The following KALRN variants were observed in gnomAD, a reference collection of about 807,000 sequenced individuals.
KALRN encodes kalirin RhoGEF kinase.
Under a neutral mutation model 353.7 loss-of-function variants are expected in KALRN, and 70 were observed. That is an observed-to-expected ratio of 0.20 (90% CI 0.16 to 0.24). KALRN has a LOEUF of 0.24. Among genes scored for constraint, KALRN ranks in the 10% least tolerant of loss-of-function variants. The pLI, the probability that KALRN is intolerant of heterozygous loss-of-function variation, is 1.00. For synonymous variants in KALRN, 1,391 were observed against 1,434.8 expected (o/e 0.97, Z 0.69); for missense variants, 2,791 against 3,756.7 (o/e 0.74, Z 6.72).
intron 34 of KALRN, among the ~76,000 whole-genome samples, chr3:124,621,956 A>G (rs1412211695): frequency 1.3e-5 from 2 of 152,372 alleles, no homozygotes; most frequent in South Asian, 4.1e-4. Context: ...TGGCCCTCCC[A>G]TTACGTGCCC....
At chr3:124,048,496 T>C (rs2040725092) in intron 1 of KALRN, among the ~76,000 whole-genome samples, 1 of 152,236 alleles carries the variant, frequency 6.6e-6, no homozygotes, top group African/African-American at 2.4e-5. Flanking sequence ...CTTTTTTTTT[T>C]TTTGAGACAG....
At chr3:124,546,695 C>A (rs1445888097) in intron 33 of KALRN, among the ~76,000 whole-genome samples, 1 of 152,176 alleles carries the variant, frequency 6.6e-6, no homozygotes, top group African/African-American at 2.4e-5. Flanking sequence ...ATCTTAGATG[C>A]AGCTGAAAGG....
chr3:124,413,522 A>C lies in KALRN; in HGVS notation c.2399A>C (p.Asp800Ala). ...WNEDLLRQMN[D>A]FNTEDLTLAE... ...GAAGACTTGCTTCGGCAGATGAATG[A>C]CTTCAACACAGAGGACCTAACCCTG... Residue 800 changes from aspartate (D) to alanine (A), a missense_variant, in exon 14 of 60, where the codon GAC (aspartate) becomes GCC (alanine). Around this residue, in one of 11 missense-constraint regions of KALRN, gnomAD observed 452 missense variants for 575.8 expected, o/e 0.78. Transcript: ENST00000682506. 6.2e-7 allele frequency: 1 copy of C among 1,614,128 alleles called. No individual in the cohort carries two copies. Among genetic ancestry groups the C allele is most frequent in the Non-Finnish European group, 8.5e-7 (1 of 1,180,016 alleles).
intron 32 of KALRN, among the ~76,000 whole-genome samples, chr3:124,493,209 G>A (rs894627684): frequency 6.6e-6 from 1 of 152,184 alleles, no homozygotes; most frequent in Admixed American, 6.5e-5. Flanking sequence ...CACGTATAGG[G>A]ATCATAAATT....
chr3:124,139,450 T>A (rs1560055434), intron 1 of KALRN, among the ~76,000 whole-genome samples: 3 of 152,184 alleles, frequency 2.0e-5, no homozygotes, highest in South Asian at 4.2e-4. Context: ...TCCTGCAGTT[T>A]ATTGTGTACT....
chr3:124,234,285 T>A (rs891428670), intron 2 of KALRN, among the ~76,000 whole-genome samples: 3 of 152,124 alleles, frequency 2.0e-5, no homozygotes, highest in African/African-American at 7.2e-5. Flanking sequence ...GTGTAAAAAA[T>A]ACTTAATGTT....
chr3:124,139,764 C>A (rs1042692516), intron 1 of KALRN, among the ~76,000 whole-genome samples: 1 of 152,144 alleles, frequency 6.6e-6, no homozygotes, highest in East Asian at 1.9e-4. Flanking sequence ...TCATGGTCAT[C>A]TTTGAAATAA....
chr3:124,449,620 G>A (rs2058582971), intron 21 of KALRN, among the ~76,000 whole-genome samples: 1 of 152,076 alleles, frequency 6.6e-6, no homozygotes, highest in Non-Finnish European at 1.5e-5. Flanking sequence ...ACAAAGTTGT[G>A]CAAACATTGC....
chr3:124,440,081 CCTAT>C (rs539774716), intron 18 of KALRN, among the ~76,000 whole-genome samples: 10 of 152,034 alleles, frequency 6.6e-5, no homozygotes, highest in Non-Finnish European at 1.5e-4. Flanking sequence ...CTGCCCTCCT[CCTAT>C]CTATCTGGTA....
intron 4 of KALRN, among the ~76,000 whole-genome samples, chr3:124,266,312 A>G: frequency 6.6e-6 from 1 of 152,172 alleles, no homozygotes; most frequent in East Asian, 1.9e-4. Flanking sequence ...ACTGAGATTG[A>G]AGATGTTAGT....
chr3:124,257,716 C>T (rs77091366), intron 3 of KALRN, among the ~76,000 whole-genome samples: 10,974 of 152,260 alleles, frequency 0.072, 444 homozygotes, highest in Middle Eastern at 0.095. Flanking sequence ...GCAGGGTGAG[C>T]ACAGGGGAGA....
intron 1 of KALRN, among the ~76,000 whole-genome samples, chr3:124,048,362 A>G (rs1211898776): frequency 1.3e-5 from 2 of 152,208 alleles, no homozygotes; most frequent in African/African-American, 2.4e-5. Context: ...ACATCTTTAT[A>G]CAAATGGATA....
chr3:124,046,280 A>C (rs1031961655), intron 1 of KALRN, among the ~76,000 whole-genome samples: 1 of 152,226 alleles, frequency 6.6e-6, no homozygotes, highest in Non-Finnish European at 1.5e-5. Context: ...GGTGGGTACC[A>C]GCTTCCCCAA....
intron 1 of KALRN, among the ~76,000 whole-genome samples, chr3:124,039,776 C>G (rs141302675): frequency 6.6e-6 from 1 of 152,038 alleles, no homozygotes; most frequent in Admixed American, 6.6e-5. Context: ...AGGAAAACAT[C>G]TCTTTTTTTT....
chr3:124,145,791 C>T (rs377720343), intron 1 of KALRN, among the ~76,000 whole-genome samples: 1 of 152,110 alleles, frequency 6.6e-6, no homozygotes, highest in African/African-American at 2.4e-5. Context: ...CTGTCTTCTC[C>T]CTCTGTGGAA....
intron 51 of KALRN, among the ~76,000 whole-genome samples, chr3:124,686,195 A>T (rs12631364): frequency 0.16 from 24,141 of 152,186 alleles, 2,419 homozygotes; most frequent in Middle Eastern, 0.28. Context: ...GGAGCCATTT[A>T]TTCATTCTGT....
At chr3:124,080,618 G>A (rs969169376) in intron 1 of KALRN, among the ~76,000 whole-genome samples, 1 of 152,070 alleles carries the variant, frequency 6.6e-6, no homozygotes, top group East Asian at 1.9e-4. Flanking sequence ...GCAATTCTTC[G>A]ATTATTTCTG....
At chr3:124,126,399 A>G (rs2064677959) in intron 1 of KALRN, among the ~76,000 whole-genome samples, 1 of 152,082 alleles carries the variant, frequency 6.6e-6, no homozygotes, top group Admixed American at 6.6e-5. Context: ...AAATTTTTGC[A>G]AAGTCTGAGC....
chr3:124,504,715 C>T lies in KALRN; in HGVS notation c.4935+8302C>T, dbSNP rs540481346. ...AATCTTCCAGCCTCTCAAGCAAATT[C>T]TGGTTGGGCTCTGAGAGCTTGGCAG... On this transcript the variant is annotated intron_variant, in intron 33 of 59. Transcript: ENST00000682506. The T allele has an allele frequency of 4.6e-4, 178 of 389,970 alleles. 2 individuals are homozygous for T. The highest frequency in any genetic ancestry group is 3.3e-3 in the South Asian group (173 of 51,794). The allele number at this position is 389,970 out of a possible 1,614,324, so 24.2% of individuals were successfully genotyped here.
Sources: gnomAD v4.1 joint callset for allele counts (sites outside exome capture counted in the v4.1 genomes callset) on GRCh38, gnomAD v4.1.1 for gene constraint, gnomAD v4.1.1 regional missense constraint, MANE v1.5 for transcripts, NCBI Gene and HGNC (gene_info 2026-07-23, HGNC 2026-07-21) for gene names.